IGFL4: variants seen among roughly 807,000 people sequenced by gnomAD.
IGFL4 encodes the protein insulin growth factor-like family member 4.
A neutral mutation model predicts 15.4 loss-of-function variants in IGFL4; 12 were observed. The ratio of observed to expected loss-of-function variants is 0.78; its 90% CI spans 0.50 to 1.26. IGFL4 has a LOEUF of 1.26. Among genes scored for constraint, IGFL4 ranks in the 50% most tolerant of loss-of-function variants. IGFL4 has a pLI of 0.00. For synonymous variants in IGFL4, 54 were observed against 55.9 expected, an observed-to-expected ratio of 0.97 and a Z score of 0.16; for missense variants, 126 against 147.8, an observed-to-expected ratio of 0.85 and a Z score of 0.76.
At chr19:46,070,255 G>T (rs572061780) in intron 1 of IGFL4, among the ~76,000 whole-genome samples, 17 of 152,024 alleles carry the variant, frequency 1.1e-4, no homozygotes, top group Admixed American at 3.3e-4. Flanking sequence ...CGTCATGCAA[G>T]TCTTGGCTGC....
At chr19:46,045,559 T>G (rs1969290832), upstream of IGFL4, among the ~76,000 whole-genome samples, 1 of 151,414 alleles carries the variant, frequency 6.6e-6, no homozygotes, top group Non-Finnish European at 1.5e-5. Flanking sequence ...GCTGACAGAA[T>G]AGCCAGTTTA....
rs555758386 is a variant in IGFL4 at position 46,063,092 on chromosome 19, C to T, written c.-431-2799G>A. On this transcript the variant is annotated intron_variant, in intron 1 of 5. Coordinates refer to the IGFL4 transcript ENST00000601672. ...CTAAGATGGGCCTTGAACCCAAGTTCGGTCAAGCGTCCTTGCCTTTAATTA... is the reference window on the plus strand; with the variant it reads ...CTAAGATGGGCCTTGAACCCAAGTTTGGTCAAGCGTCCTTGCCTTTAATTA... Among the ~76,000 whole-genome samples the T allele has an allele frequency of 7.9e-5, 12 of 152,246 alleles. No individual in the cohort carries two copies. The East Asian group carries it at 1.2e-3, about 15-fold the overall frequency.
intron 2 of IGFL4, chr19:46,057,698 T>C (rs977379912): frequency 6.6e-6 from 1 of 152,146 alleles, no homozygotes; most frequent in Non-Finnish European, 1.5e-5. Context: ...AGAGGTTTAA[T>C]TGACTCACAG....
At chr19:46,050,461 C>A (rs980952001) in intron 2 of IGFL4, among the ~76,000 whole-genome samples, 1 of 152,026 alleles carries the variant, frequency 6.6e-6, no homozygotes, top group African/African-American at 2.4e-5. Context: ...AAATAGATAT[C>A]ATAAATAAAA....
chr19:46,040,002 G>T lies in IGFL4; in HGVS notation c.331-66C>A. The T allele has an allele frequency of 6.6e-7, 1 of 1,519,124 alleles. No homozygotes were observed. The highest frequency in any genetic ancestry group is 9.1e-7 in the Non-Finnish European group (1 of 1,094,238). 94.1% of individuals were successfully genotyped at this position (1,519,124 alleles called of 1,614,324 possible). A position where few individuals can be genotyped will look rare whatever the true frequency, so the allele number is the denominator to read the frequency against. ...GGTGGTAGCAGCAGTGGCGGGGAAGGAACAGAGACATGGAGAAAGACAGAG... is the reference window on the plus strand; with the variant it reads ...GGTGGTAGCAGCAGTGGCGGGGAAGTAACAGAGACATGGAGAAAGACAGAG... On this transcript the variant is annotated intron_variant, in intron 3 of 3. Transcript: ENST00000377697. The surrounding 1 kb of genome is among the most constrained non-coding windows in gnomAD (Gnocchi z 4.1).
At chr19:46,064,822 G>T (rs975590592) in intron 1 of IGFL4, among the ~76,000 whole-genome samples, 1 of 152,170 alleles carries the variant, frequency 6.6e-6, no homozygotes, top group African/African-American at 2.4e-5. Context: ...CCAGCAGTAG[G>T]ATCATATGGT....
At chr19:46,052,647 A>G (rs989763533) in intron 2 of IGFL4, among the ~76,000 whole-genome samples, 22 of 151,892 alleles carry the variant, frequency 1.4e-4, no homozygotes, top group Non-Finnish European at 2.8e-4. Flanking sequence ...ACTTGAACCC[A>G]GGAGTCGGAG....
intron 2 of IGFL4, among the ~76,000 whole-genome samples, chr19:46,053,305 C>A (rs1194107857): frequency 1.3e-5 from 2 of 152,172 alleles, no homozygotes; most frequent in African/African-American, 4.8e-5. Flanking sequence ...ACCTCCACCT[C>A]CCAGGTTCGA....
intron 1 of IGFL4, among the ~76,000 whole-genome samples, chr19:46,073,354 G>C (rs939868533): frequency 6.6e-6 from 1 of 152,106 alleles, no homozygotes; most frequent in African/African-American, 2.4e-5. Flanking sequence ...ATTGCAATTA[G>C]AGTTCCTTCT....
rs1333526753 is a variant in IGFL4, at chr19:46,039,945, G to A, written c.331-9C>T. 1 of 1,611,648 alleles carries A rather than the reference G, an allele frequency of 6.2e-7. No individual in the cohort carries two copies. Among genetic ancestry groups the A allele is most frequent in the East Asian group, 2.2e-5 (1 of 44,868 alleles). On this transcript the variant is annotated splice_polypyrimidine_tract_variant and intron_variant, in intron 3 of 3. Coordinates refer to ENST00000377697, the MANE Select transcript of IGFL4 (RefSeq NM_001002923.3). ...CTTTTTGGGTGGTATTCCTGCAGAA[G>A]GAGAGAAGTGGGAGAGGGGAATAAG...
In IGFL4 at chr19:46,074,800, A is replaced by G. The variant is rs180859437; in HGVS notation, c.-432+2220T>C. Among the ~76,000 whole-genome samples the G allele has an allele frequency of 2.0e-4, 31 of 152,332 alleles. 1 individual carries two copies. Among genetic ancestry groups the G allele is most frequent in the Middle Eastern group, 6.8e-3 (2 of 294 alleles). ...CTTCTTTGGCAATACCTTCACAGGC[A>G]CACCTAGCATCAATACTTTGCATCC... On this transcript the variant is annotated intron_variant, in intron 1 of 5. Coordinates refer to the IGFL4 transcript ENST00000601672.
In IGFL4 at chr19:46,039,885, G is replaced by C. The variant is rs759268416; in HGVS notation, c.*7C>G. The C allele has an allele frequency of 6.2e-7, 1 of 1,606,702 alleles. No individual in the cohort carries two copies. The highest frequency in any genetic ancestry group is 1.1e-5 in the South Asian group (1 of 90,906). On this transcript the variant is annotated 3_prime_UTR_variant, in exon 4 of 4. Coordinates refer to ENST00000377697, the MANE Select transcript of IGFL4 (RefSeq NM_001002923.3). The stretch of plus-strand genomic sequence containing the variant: ...AGTGATCTGTGACTCTGCTACCCCA[G>C]AACAGTCTAGATGAGGTCAGATCTT...
At position 46,040,180 on chromosome 19, in the gene IGFL4, G is replaced by T; in HGVS notation, c.307C>A (p.Pro103Thr). The part of the protein sequence containing the change: ...PGMKPDCKSS[P>T]ITRICAQEYH... ...ACCTGGGCACAGATCCTGGTGATAG[G>T]GGAGGACTTGCAATCTGGCTTCATG... The change falls in exon 3 of 4, where the codon CCT becomes ACT. Residue 103 changes from proline to threonine, a missense_variant. Transcript: ENST00000377697. This position sits in a 1 kb window ranked among gnomAD's most constrained non-coding sequence, Gnocchi z 4.1. 1 of 1,613,978 alleles carries T rather than the reference G, an allele frequency of 6.2e-7. No individual in the cohort carries two copies. The highest frequency in any genetic ancestry group is 8.5e-7 in the Non-Finnish European group (1 of 1,180,036).
At chr19:46,055,426 T>A (rs1040230960) in intron 2 of IGFL4, among the ~76,000 whole-genome samples, 1 of 152,162 alleles carries the variant, frequency 6.6e-6, no homozygotes, top group Non-Finnish European at 1.5e-5. Context: ...CATTGCATGT[T>A]TTGTTAGCCT....
chr19:46,050,380 C>A (rs1330591785), intron 2 of IGFL4, among the ~76,000 whole-genome samples: 2 of 151,762 alleles, frequency 1.3e-5, no homozygotes, highest in Non-Finnish European at 2.9e-5. Context: ...CAAGGAGGCA[C>A]CAGAGAAAGG....
At chr19:46,056,292 T>A (rs1006169924) in intron 2 of IGFL4, among the ~76,000 whole-genome samples, 5 of 152,210 alleles carry the variant, frequency 3.3e-5, no homozygotes, top group Non-Finnish European at 7.3e-5. Flanking sequence ...ATGTGCTCAA[T>A]TGCCATATTG....
rs1294217721 is a variant in IGFL4 at position 46,040,342 on chromosome 19, C to T, written c.145G>A (p.Asp49Asn). ...WTYNPLEQCC[D>N]DGVILDLNQT... ...TTCAAGTCTAGGATGACACCGTCAT[C>T]ACAGCACTGCTCCAAGGGGTTGTAG... The change falls in exon 3 of 4, where the codon GAT becomes AAT. Residue 49 changes from aspartate to asparagine, a missense_variant. Coordinates refer to ENST00000377697, the MANE Select transcript of IGFL4 (RefSeq NM_001002923.3). This position sits in a 1 kb window ranked among gnomAD's most constrained non-coding sequence, Gnocchi z 4.1. The T allele has an allele frequency of 1.9e-6, 3 of 1,614,082 alleles. No individual in the cohort carries two copies. The highest frequency in any genetic ancestry group is 2.2e-5 in the South Asian group (2 of 91,090).
At chr19:46,065,705 G>T (rs1377640840) in intron 1 of IGFL4, among the ~76,000 whole-genome samples, 3 of 152,240 alleles carry the variant, frequency 2.0e-5, no homozygotes, top group African/African-American at 7.2e-5. Context: ...TTCCAATCCG[G>T]GCCTTAGCCC....
At chr19:46,046,453 C>A (rs1969298234) in intron 2 of IGFL4, among the ~76,000 whole-genome samples, 1 of 152,136 alleles carries the variant, frequency 6.6e-6, no homozygotes, top group Admixed American at 6.5e-5. Flanking sequence ...AATTAAAAGA[C>A]ACAGAATGGC....
Sources: allele counts gnomAD v4.1 joint callset (sites outside exome capture counted in the v4.1 genomes callset), GRCh38; gene constraint gnomAD v4.1.1; non-coding constraint Gnocchi (gnomAD v3.1); transcripts MANE v1.5; gene names NCBI Gene and HGNC (gene_info 2026-07-23, HGNC 2026-07-21).